The following CNRIP1 variants were observed in gnomAD, a reference collection of about 807,000 sequenced individuals.
CNRIP1 encodes CB1 cannabinoid receptor-interacting protein 1.
Under a neutral mutation model 15.2 loss-of-function variants are expected in CNRIP1, and 10 were observed. The observed-to-expected ratio is 0.66, with a 90% CI of 0.41 to 1.12. The LOEUF is 1.12. Ranked by LOEUF, CNRIP1 falls within the 50% of genes most tolerant of loss-of-function variation. CNRIP1 has a pLI of 0.00. For missense variants in CNRIP1, 211 were observed against 214.7 expected, an observed-to-expected ratio of 0.98 and a Z score of 0.11; for synonymous variants, 91 against 83.2, an observed-to-expected ratio of 1.09 and a Z score of -0.51.
At position 68,285,527 on chromosome 2, in the gene CNRIP1, G is replaced by A. The variant is rs546833406; in HGVS notation, c.331-1043C>T. ...AAATTAGCTGGATGTGGTGGTGGCC[G>A]CCTGTGGTCCCAAATACTTGGGAGG... On this transcript the variant is annotated intron_variant, in intron 2 of 2. Coordinates refer to the CNRIP1 transcript ENST00000409559. 1.1e-3 allele frequency among the ~76,000 whole-genome samples: 172 copies of A among 151,962 alleles called. 1 individual carries two copies. The highest frequency in any genetic ancestry group is 2.2e-3 in the Non-Finnish European group (150 of 67,940).
At chr2:68,306,229 G>C (rs1671840451) in intron 2 of CNRIP1, among the ~76,000 whole-genome samples, 1 of 150,220 alleles carries the variant, frequency 6.7e-6, no homozygotes, top group Non-Finnish European at 1.5e-5. Context: ...TTGAGTCTGG[G>C]AGGTCAAGGC....
intron 2 of CNRIP1, among the ~76,000 whole-genome samples, chr2:68,287,172 C>A (rs960168429): frequency 7.9e-5 from 12 of 152,156 alleles, no homozygotes; most frequent in African/African-American, 2.7e-4. Flanking sequence ...AACTTCAGAC[C>A]ATTACTTTTT....
rs1337836404 is a variant in CNRIP1 at position 68,306,808 on chromosome 2, C to T, written c.330+10349G>A. On this transcript the variant is annotated intron_variant, in intron 2 of 2. Transcript: ENST00000263655. ...AAAAAAAAAAAAATTACAAACTTAC[C>T]CTTAAGGGTATTGCATTATGTATTT... is the stretch of plus-strand genomic sequence containing the variant. 3.3e-5 allele frequency among the ~76,000 whole-genome samples: 5 copies of T among 151,656 alleles called. No individual in the cohort carries two copies. The East Asian group carries it at 9.7e-4, about 29-fold the overall frequency.
At chr2:68,307,817 C>G (rs1249709407) in intron 2 of CNRIP1, among the ~76,000 whole-genome samples, 1 of 152,112 alleles carries the variant, frequency 6.6e-6, no homozygotes, top group Non-Finnish European at 1.5e-5. Context: ...TATGGCTGTT[C>G]CCACATATGA....
chr2:68,307,887 T>C (rs1671916949), intron 2 of CNRIP1, among the ~76,000 whole-genome samples: 1 of 152,082 alleles, frequency 6.6e-6, no homozygotes, highest in South Asian at 2.1e-4. Flanking sequence ...AAAGAAGGCA[T>C]TGTTTAGAAA....
intron 2 of CNRIP1, among the ~76,000 whole-genome samples, chr2:68,305,666 A>C (rs1054807024): frequency 6.6e-6 from 1 of 151,122 alleles, no homozygotes; most frequent in Non-Finnish European, 1.5e-5. Context: ...CATGGTGGCG[A>C]GCACCTGTAG....
intron 2 of CNRIP1, among the ~76,000 whole-genome samples, chr2:68,286,961 A>C (rs1376121459): frequency 2.0e-5 from 3 of 152,246 alleles, no homozygotes; most frequent in Non-Finnish European, 4.4e-5. Flanking sequence ...TACAAAAGAT[A>C]GTCAATGAAT....
At chr2:68,297,018 C>T (rs1039412146) in intron 2 of CNRIP1, among the ~76,000 whole-genome samples, 6 of 152,092 alleles carry the variant, frequency 3.9e-5, no homozygotes, top group Non-Finnish European at 7.4e-5. Flanking sequence ...CCACCAGCCT[C>T]GGCCTCTCAA....
At chr2:68,318,466 G>A (rs1202712496) in intron 1 of CNRIP1, among the ~76,000 whole-genome samples, 9 of 152,176 alleles carry the variant, frequency 5.9e-5, no homozygotes, top group Non-Finnish European at 1.3e-4. Flanking sequence ...GAGGTCTACT[G>A]GGTGCATTAT....
rs1423328195 is a variant in CNRIP1 at position 68,293,660 on chromosome 2, C to T, written c.*202G>A. On this transcript the variant is annotated 3_prime_UTR_variant, in exon 3 of 3. Transcript: ENST00000263655. The stretch of plus-strand genomic sequence containing the variant: ...CACAAAATACAGATGGGAATATTCT[C>T]GGGAGTGGTACATCACCATCTTGTA... The T allele has an allele frequency of 3.1e-6, 4 of 1,298,760 alleles. No homozygotes were observed. The highest frequency in any genetic ancestry group is 2.9e-5 in the East Asian group (1 of 34,640). The allele number at this position is 1,298,760 out of a possible 1,614,324, so 80.5% of individuals were successfully genotyped here. A position where few individuals can be genotyped will look rare whatever the true frequency, so the allele number is the denominator to read the frequency against.
At chr2:68,308,741 C>T (rs375488829) in intron 2 of CNRIP1, among the ~76,000 whole-genome samples, 30 of 151,928 alleles carry the variant, frequency 2.0e-4, no homozygotes, top group African/African-American at 6.8e-4. Context: ...GTTGCTGGTG[C>T]AAAAATTAAA....
chr2:68,316,988 A>C, intron 2 of CNRIP1, 169 bp downstream of exon 2: 2 of 802,324 alleles, frequency 2.5e-6, no homozygotes, highest in Non-Finnish European at 4.4e-6. Flanking sequence ...AAAGAGCATT[A>C]ATTAAGTAGT....
At chr2:68,303,982 CATG>C (rs1236588091) in intron 2 of CNRIP1, among the ~76,000 whole-genome samples, 1 of 151,978 alleles carries the variant, frequency 6.6e-6, no homozygotes, top group African/African-American at 2.4e-5. Flanking sequence ...GAGGCTGAGG[CATG>C]ATAATTGCTT....
chr2:68,317,241 T>C lies in CNRIP1; in HGVS notation c.246A>G (p.Arg82=), dbSNP rs1419548107. The change falls in exon 2 of 3, where the codon AGA becomes AGG. Residue 82 remains arginine (R), a synonymous_variant. Coordinates refer to ENST00000263655, the MANE Select transcript of CNRIP1 (RefSeq NM_015463.3). The part of the protein sequence containing the change: ...ELKSKEPDGD[R]VVYTGTYDTE... ...TGTCATATGTACCCGTATAAACAACTCTGTCCCCATCAGGCTCTTTAGACT... is the reference window on the plus strand; with the variant it reads ...TGTCATATGTACCCGTATAAACAACCCTGTCCCCATCAGGCTCTTTAGACT... 1.2e-6 allele frequency: 2 copies of C among 1,614,216 alleles called. No individual in the cohort carries two copies. Among genetic ancestry groups the C allele is most frequent in the African/African-American group, 1.3e-5 (1 of 75,070 alleles).
chr2:68,288,098 T>G (rs1394154901), downstream of CNRIP1, among the ~76,000 whole-genome samples: 1 of 107,102 alleles, frequency 9.3e-6, no homozygotes, highest in Non-Finnish European at 2.1e-5. Context: ...GCCAGCTCTT[T>G]CTAGAATCTC....
chr2:68,287,208 T>C (rs1033446617), intron 2 of CNRIP1, among the ~76,000 whole-genome samples: 1 of 152,224 alleles, frequency 6.6e-6, no homozygotes, highest in Non-Finnish European at 1.5e-5. Context: ...TTTACTTTAC[T>C]GTCTTCAGCA....
intron 2 of CNRIP1, among the ~76,000 whole-genome samples, chr2:68,313,094 C>A (rs567459245): frequency 1.5e-4 from 23 of 151,978 alleles, no homozygotes; most frequent in Non-Finnish European, 2.5e-4. Flanking sequence ...TTAGAATAAA[C>A]AAAGCTAGAA....
rs1347084090 is a variant in CNRIP1, at chr2:68,317,191, C to T, written c.296G>A (p.Ser99Asn). 6.2e-7 allele frequency: 1 copy of T among 1,614,118 alleles called. No individual in the cohort carries two copies. Among genetic ancestry groups the T allele is most frequent in the Non-Finnish European group, 8.5e-7 (1 of 1,180,048 alleles). ...YDTEGVTPTK[S>N]GERQPIQITM... ...GATCTGGATGGGTTGCCGTTCTCCA[C>T]TCTTCGTTGGGGTCACACCTTCTGT... The change falls in exon 2 of 3, where the codon AGT becomes AAT. Residue 99 changes from serine (S) to asparagine (N), a missense_variant. Transcript: ENST00000263655.
chr2:68,319,597 C>G lies in CNRIP1; in HGVS notation c.-197G>C, dbSNP rs931305396. The G allele has an allele frequency of 1.9e-6, 1 of 528,294 alleles. No homozygotes were observed. The highest frequency in any genetic ancestry group is 3.3e-6 in the Non-Finnish European group (1 of 307,666). 32.7% of individuals were successfully genotyped at this position (528,294 alleles called of 1,614,324 possible). A position where few individuals can be genotyped will look rare whatever the true frequency, so the allele number is the denominator to read the frequency against. The stretch of plus-strand genomic sequence containing the variant: ...TGAGGAGCAGCTCCTTAGGCTGTGG[C>G]CCCCCTCCCCACTCGGCGAGGAAGC... On this transcript the variant is annotated 5_prime_UTR_variant, in exon 1 of 3. Coordinates refer to ENST00000263655, the MANE Select transcript of CNRIP1 (RefSeq NM_015463.3).
Sources: gnomAD v4.1 joint callset for allele counts (sites outside exome capture counted in the v4.1 genomes callset) on GRCh38, gnomAD v4.1.1 for gene constraint, MANE v1.5 for transcripts, NCBI Gene and HGNC (gene_info 2026-07-23, HGNC 2026-07-21) for gene names.